TNS3: variants seen among roughly 807,000 people sequenced by gnomAD.
The protein encoded by TNS3 is tensin-3.
TNS3 carries 45 observed loss-of-function variants against 140.9 expected under a neutral mutation model. The ratio of observed to expected loss-of-function variants is 0.32; its 90% CI spans 0.25 to 0.41. The LOEUF (loss-of-function observed/expected upper bound fraction) is 0.41. Among genes scored for constraint, TNS3 ranks in the 10% least tolerant of loss-of-function variants. The probability of loss-of-function intolerance (pLI) is 1.00; values close to 1 mark genes in which losing one functional copy is unlikely to be tolerated. For synonymous variants in TNS3, 815 were observed against 788.4 expected, an observed-to-expected ratio of 1.03 and a Z score of -0.56; for missense variants, 1,716 against 1,906.7, an observed-to-expected ratio of 0.90 and a Z score of 1.86.
intron 1 of TNS3, among the ~76,000 whole-genome samples, chr7:47,555,036 A>AT (rs368050199): frequency 1.3e-5 from 2 of 152,066 alleles, no homozygotes; most frequent in Non-Finnish European, 2.9e-5. Context: ...CAAAAAAAAA[A>AT]GAATGGAATC....
chr7:47,344,639 G>T (rs1789213686), intron 20 of TNS3, 116 bp downstream of exon 20: 2 of 969,708 alleles, frequency 2.1e-6, no homozygotes, highest in Admixed American at 2.3e-5. Context: ...CAAGGCTTCT[G>T]AGATACGACA....
chr7:47,510,025 T>C (rs1034249618), intron 2 of TNS3, among the ~76,000 whole-genome samples: 22 of 152,200 alleles, frequency 1.4e-4, no homozygotes, highest in Admixed American at 1.2e-3. Context: ...TGCATGCGTA[T>C]TGCCAAATTT....
intron 2 of TNS3, among the ~76,000 whole-genome samples, chr7:47,517,977 TAATC>T (rs1427730077): frequency 5.3e-5 from 8 of 152,130 alleles, no homozygotes; most frequent in East Asian, 1.9e-4. Flanking sequence ...AACCAATCAA[TAATC>T]AATCAATCAA....
intron 9 of TNS3, among the ~76,000 whole-genome samples, chr7:47,425,241 C>T (rs1325380504): frequency 6.6e-6 from 1 of 152,008 alleles, no homozygotes; most frequent in Non-Finnish European, 1.5e-5. Context: ...CACTTGAACC[C>T]GGGAGGCAGA....
intron 16 of TNS3, among the ~76,000 whole-genome samples, chr7:47,393,641 G>T (rs1231842382): frequency 1.3e-5 from 2 of 152,158 alleles, no homozygotes; most frequent in Non-Finnish European, 2.9e-5. Context: ...CTGGGAGGAG[G>T]CTGCACTCTC....
At chr7:47,489,325 A>T (rs1797727464) in intron 3 of TNS3, among the ~76,000 whole-genome samples, 1 of 152,228 alleles carries the variant, frequency 6.6e-6, no homozygotes, top group African/African-American at 2.4e-5. Context: ...TAAAATGAAA[A>T]AAGAAAGGCT....
chr7:47,511,115 A>C (rs1457167232), intron 2 of TNS3, among the ~76,000 whole-genome samples: 1 of 152,246 alleles, frequency 6.6e-6, no homozygotes, highest in Non-Finnish European at 1.5e-5. Flanking sequence ...TTAATAAAAC[A>C]GCGTAGGAAA....
intron 3 of TNS3, among the ~76,000 whole-genome samples, chr7:47,502,625 G>A (rs916653432): frequency 2.6e-5 from 4 of 152,224 alleles, no homozygotes; most frequent in African/African-American, 4.8e-5. Flanking sequence ...AGGACCTCCT[G>A]TAGTCTCAGC....
chr7:47,307,782 T>C (rs1786844334), intron 20 of TNS3, among the ~76,000 whole-genome samples: 1 of 152,242 alleles, frequency 6.6e-6, no homozygotes, highest in African/African-American at 2.4e-5. Context: ...CCTTTTCCTT[T>C]TTTTCACTAG....
intron 17 of TNS3, among the ~76,000 whole-genome samples, chr7:47,349,137 A>G (rs959781022): frequency 1.3e-5 from 2 of 152,314 alleles, no homozygotes; most frequent in Non-Finnish European, 2.9e-5. Context: ...ATGGATTTGA[A>G]ACTGTTCCTC....
intron 16 of TNS3, among the ~76,000 whole-genome samples, chr7:47,378,395 C>A (rs748554921): frequency 6.6e-6 from 1 of 152,188 alleles, no homozygotes; most frequent in African/African-American, 2.4e-5. Flanking sequence ...TTTAAAAAAA[C>A]GTATTCAGAA....
At chr7:47,287,193 AAGTCTTTCTTTTC>A (rs1159720992) in intron 27 of TNS3, among the ~76,000 whole-genome samples, 4 of 152,238 alleles carry the variant, frequency 2.6e-5, no homozygotes, top group African/African-American at 9.6e-5. Flanking sequence ...GAAAAGAAGT[AAGTCTTTCTTTTC>A]AGGATTATAT....
At chr7:47,362,312 G>A (rs116635091) in intron 17 of TNS3, among the ~76,000 whole-genome samples, 123 of 152,302 alleles carry the variant, frequency 8.1e-4, no homozygotes, top group African/African-American at 2.9e-3. Context: ...AGCCACCAGA[G>A]CTTTGTGATA....
At chr7:47,311,600 A>T (rs530497034) in intron 20 of TNS3, among the ~76,000 whole-genome samples, 14 of 152,338 alleles carry the variant, frequency 9.2e-5, no homozygotes, top group African/African-American at 3.4e-4. Flanking sequence ...AAAAATAGGA[A>T]GAAAATATGC....
At chr7:47,492,722 A>C (rs954620126) in intron 3 of TNS3, among the ~76,000 whole-genome samples, 1 of 152,264 alleles carries the variant, frequency 6.6e-6, no homozygotes, top group African/African-American at 2.4e-5. Flanking sequence ...AGGCAGTAAC[A>C]CTAAAACAAA....
At chr7:47,492,425 C>T (rs969833238) in intron 3 of TNS3, among the ~76,000 whole-genome samples, 7 of 152,222 alleles carry the variant, frequency 4.6e-5, no homozygotes, top group African/African-American at 1.4e-4. Context: ...ATCCTCTTTC[C>T]TCACCTGCAG....
At chr7:47,350,459 A>G (rs528539521) in intron 17 of TNS3, among the ~76,000 whole-genome samples, 1 of 152,350 alleles carries the variant, frequency 6.6e-6, no homozygotes, top group Non-Finnish European at 1.5e-5. Context: ...ACAGCAGTCT[A>G]GAGAAAAGGA....
intron 1 of TNS3, among the ~76,000 whole-genome samples, chr7:47,553,159 A>G (rs1800106403): frequency 6.6e-6 from 1 of 152,240 alleles, no homozygotes. Context: ...TTAGGTAAAC[A>G]AGCCGTCTCC....
intron 9 of TNS3, among the ~76,000 whole-genome samples, chr7:47,424,963 A>G (rs938021224): frequency 1.3e-5 from 2 of 152,366 alleles, no homozygotes; most frequent in South Asian, 4.1e-4. Flanking sequence ...CTTCAGCACA[A>G]ATCCTGGAAT....
Sources: gnomAD v4.1 joint callset for allele counts (sites outside exome capture counted in the v4.1 genomes callset) on GRCh38, gnomAD v4.1.1 for gene constraint, MANE v1.5 for transcripts, NCBI Gene and HGNC (gene_info 2026-07-23, HGNC 2026-07-21) for gene names.